Variants in COPG2 observed in about 807,000 individuals in gnomAD.
COPG2 encodes the protein coatomer subunit gamma-2.
Under a neutral mutation model 46.3 loss-of-function variants are expected in COPG2, and 37 were observed. That is an observed-to-expected ratio of 0.80 (90% CI 0.61 to 1.05). The LOEUF is 1.05. Among genes scored for constraint, COPG2 ranks in the 50% least tolerant of loss-of-function variants. COPG2 has a pLI of 0.00. For missense variants in COPG2, 427 were observed against 387.8 expected (o/e 1.10, Z -0.85); for synonymous variants, 159 against 129.7 (o/e 1.23, Z -1.53).
At chr7:130,590,884 G>A (rs1481339820) in intron 9 of COPG2, among the ~76,000 whole-genome samples, 3 of 151,038 alleles carry the variant, frequency 2.0e-5, no homozygotes, top group Non-Finnish European at 3.0e-5. Flanking sequence ...GAGAAGTGAG[G>A]AGACCCTCTG....
At chr7:130,666,801 A>G in intron 3 of COPG2, 48 bp downstream of exon 3, 2 of 818,138 alleles carry the variant, frequency 2.4e-6, no homozygotes, top group Non-Finnish European at 4.0e-6. Flanking sequence ...AATCTTCAGT[A>G]TTTCTATTCC....
intron 9 of COPG2, chr7:130,605,657 A>G (rs1223257990): frequency 4.0e-6 from 2 of 494,324 alleles, no homozygotes; most frequent in East Asian, 5.8e-5. Context: ...GCTGAAAGCC[A>G]GCAAGGAAAC....
chr7:130,601,112 A>G (rs575164217), intron 9 of COPG2, among the ~76,000 whole-genome samples: 148 of 152,348 alleles, frequency 9.7e-4, no homozygotes, highest in African/African-American at 3.2e-3. Context: ...CAAAACCACA[A>G]TGAGATACCA....
rs565958902 is a variant in COPG2, at chr7:130,597,911, CAT to C, written c.737+13040_737+13041del. Among the ~76,000 whole-genome samples the C allele has an allele frequency of 2.8e-3, 430 of 152,298 alleles. 1 individual carries two copies. Among genetic ancestry groups the C allele is most frequent in the African/African-American group, 8.9e-3 (370 of 41,560 alleles). Reference sequence around the variant, plus strand: ...TGGGATCCCAAATGCCTATTACTCACATGTTTCATGTAGCTTTTAGGTTATTC... The same window carrying C: ...TGGGATCCCAAATGCCTATTACTCACGTTTCATGTAGCTTTTAGGTTATTC... On this transcript the variant is annotated intron_variant, in intron 9 of 23. Coordinates refer to ENST00000425248, the MANE Select transcript of COPG2 (RefSeq NM_012133.6).
intron 9 of COPG2, among the ~76,000 whole-genome samples, chr7:130,584,735 A>C (rs1554447775): frequency 6.6e-6 from 1 of 152,078 alleles, no homozygotes; most frequent in African/African-American, 2.4e-5. Context: ...TAAAATACTT[A>C]GGAATATATC....
intron 7 of COPG2, 109 bp from the exon 8 acceptor site, chr7:130,612,347 AACT>A: frequency 3.0e-6 from 2 of 673,456 alleles, no homozygotes; most frequent in South Asian, 4.1e-5. Context: ...AGAGGAAGAA[AACT>A]ATGTAGCTCT....
At chr7:130,510,251 A>G in intron 20 of COPG2, 1 of 519,636 alleles carries the variant, frequency 1.9e-6, no homozygotes, top group African/African-American at 1.9e-5. Context: ...GTTTTCCCAT[A>G]TAGGAAAGAA....
At chr7:130,636,306 TAA>T (rs1554456215) in intron 5 of COPG2, among the ~76,000 whole-genome samples, 1 of 152,108 alleles carries the variant, frequency 6.6e-6, no homozygotes, top group African/African-American at 2.4e-5. Flanking sequence ...AGTGGGGTGT[TAA>T]AAGACTCCCA....
intron 20 of COPG2, among the ~76,000 whole-genome samples, chr7:130,529,159 A>G (rs1799801338): frequency 6.6e-6 from 1 of 152,160 alleles, no homozygotes; most frequent in Non-Finnish European, 1.5e-5. Context: ...GATGGATCCA[A>G]TGCTGCATAT....
intron 9 of COPG2, among the ~76,000 whole-genome samples, chr7:130,565,742 A>G (rs1793792472): frequency 6.7e-6 from 1 of 148,950 alleles, no homozygotes. Context: ...GACAGAAATG[A>G]TTTTTTTTTT....
chr7:130,613,658 A>C, intron 6 of COPG2, 22 bp from the exon 7 acceptor site: 1 of 1,526,046 alleles, frequency 6.6e-7, no homozygotes, highest in Non-Finnish European at 9.0e-7. Flanking sequence ...CAAAAAGAAA[A>C]AATTGTTAAG....
At chr7:130,547,526 TCACA>T (rs1246658241) in intron 20 of COPG2, 144 bp downstream of exon 20, 191 of 396,142 alleles carry the variant, frequency 4.8e-4, no homozygotes, top group African/African-American at 3.4e-3. Context: ...ATATATATAT[TCACA>T]CACACACAAA....
rs1327678733 is a variant in COPG2 at position 130,575,466 on chromosome 7, A to G, written c.738-11073T>C. On this transcript the variant is annotated intron_variant, in intron 9 of 23. Coordinates refer to ENST00000425248, the MANE Select transcript of COPG2 (RefSeq NM_012133.6). ...TCCAGCGAAACTAAGCATCATATAT[A>G]AAGGAAAGATACAGTCTTTTTCAGA... is the stretch of plus-strand genomic sequence containing the variant. Among the ~76,000 whole-genome samples the G allele has an allele frequency of 2.0e-5, 3 of 152,128 alleles. No homozygotes were observed. In the East Asian group the frequency reaches 5.8e-4, roughly 29 times the overall value.
At chr7:130,511,474 G>A (rs781835886) in intron 20 of COPG2, 1 of 519,672 alleles carries the variant, frequency 1.9e-6, no homozygotes, top group Non-Finnish European at 3.8e-6. Flanking sequence ...TTGAGTCTGT[G>A]GGAATGCTGT....
chr7:130,537,747 C>T (rs906123551), intron 20 of COPG2, among the ~76,000 whole-genome samples: 2 of 152,144 alleles, frequency 1.3e-5, no homozygotes, highest in Non-Finnish European at 2.9e-5. Context: ...TGGGTGTGAA[C>T]GTAGAGAATC....
chr7:130,646,369 T>C (rs1795594719), intron 5 of COPG2, among the ~76,000 whole-genome samples: 1 of 152,240 alleles, frequency 6.6e-6, no homozygotes, highest in African/African-American at 2.4e-5. Context: ...TGGGTCACTA[T>C]TGCCATGCTT....
chr7:130,530,391 G>C (rs2116357812), intron 20 of COPG2, among the ~76,000 whole-genome samples: 2 of 152,328 alleles, frequency 1.3e-5, no homozygotes, highest in Non-Finnish European at 2.9e-5. Flanking sequence ...GAAAGAAGAG[G>C]AGAAAAGGCT....
intron 5 of COPG2, among the ~76,000 whole-genome samples, chr7:130,627,038 C>G (rs1795132555): frequency 6.6e-6 from 1 of 152,204 alleles, no homozygotes; most frequent in South Asian, 2.1e-4. Context: ...GCATGCCCAC[C>G]ATGCCCACGT....
intron 5 of COPG2, among the ~76,000 whole-genome samples, chr7:130,618,406 T>C (rs529988049): frequency 6.6e-6 from 1 of 152,216 alleles, no homozygotes; most frequent in South Asian, 2.1e-4. Context: ...TTTACTTATA[T>C]ACTGTCCCAA....
Sources: allele counts gnomAD v4.1 joint callset (sites outside exome capture counted in the v4.1 genomes callset), GRCh38; gene constraint gnomAD v4.1.1; transcripts MANE v1.5; gene names NCBI Gene and HGNC (gene_info 2026-07-23, HGNC 2026-07-21).